Variants in FXYD5 observed in about 807,000 individuals in gnomAD.
FXYD5 encodes FXYD domain containing ion transport regulator 5.
In FXYD5, 21 loss-of-function variants were observed where a neutral mutation model predicts 25.7. The ratio of observed to expected loss-of-function variants is 0.82; its 90% confidence interval spans 0.58 to 1.18. The LOEUF is 1.18. Ranked by LOEUF, FXYD5 falls within the 50% of genes most tolerant of loss-of-function variation. The pLI is 0.00. For synonymous variants in FXYD5, 101 were observed against 90.7 expected (o/e 1.11, Z -0.64); for missense variants, 229 against 227.7 (o/e 1.01, Z -0.04).
intron 4 of FXYD5, chr19:35,159,858 C>CT (rs2065389381): frequency 7.1e-6 from 4 of 566,304 alleles, no homozygotes; most frequent in Non-Finnish European, 1.2e-5. Flanking sequence ...AGAGCCTGTG[C>CT]TTTTATCCAA....
intron 8 of FXYD5, among the ~76,000 whole-genome samples, chr19:35,167,596 A>G (rs1050343327): frequency 1.3e-5 from 2 of 152,238 alleles, no homozygotes; most frequent in Non-Finnish European, 2.9e-5. Context: ...GTTGTGGGTG[A>G]AATAAAACAC....
Position 35,169,834 on chromosome 19 carries a change from A to C in FXYD5, c.*219A>C. ...CCTGGCGCCTTGGGGGCTGTCCCTC[A>C]AGTTATCTCCTCTGCTAAGACAAAA... is the stretch of plus-strand genomic sequence containing the variant. On this transcript the variant is annotated 3_prime_UTR_variant, in exon 9 of 9. Transcript: ENST00000392219. The C allele has an allele frequency of 1.7e-6, 1 of 577,052 alleles. No homozygotes were observed. Among genetic ancestry groups the C allele is most frequent in the South Asian group, 2.0e-5 (1 of 49,236 alleles). 35.7% of individuals were successfully genotyped at this position (577,052 alleles called of 1,614,324 possible). A position where few individuals can be genotyped will look rare whatever the true frequency, so the allele number is the denominator to read the frequency against.
chr19:35,155,276 T>G (rs1484878394), intron 1 of FXYD5: 14 of 535,348 alleles, frequency 2.6e-5, no homozygotes, highest in East Asian at 1.3e-4. Context: ...GCTTCAGGAG[T>G]GCCCGCCGGC....
intron 5 of FXYD5, among the ~76,000 whole-genome samples, chr19:35,161,248 A>ACAC (rs61309039): frequency 7.0e-6 from 1 of 142,850 alleles, no homozygotes; most frequent in South Asian, 2.3e-4. Context: ...ACACACACAC[A>ACAC]AAAGAATGAT....
rs574550373 is a variant in FXYD5, at chr19:35,159,879, G to A, written c.200-830G>A. On this transcript the variant is annotated intron_variant, in intron 4 of 8. Coordinates refer to ENST00000392219, the MANE Select transcript of FXYD5 (RefSeq NM_014164.6). Reference sequence around the variant, plus strand: ...TGTGCTTTTATCCAAGACAATACAGGGCAAAGGACATGCATGCTTAATGTT... The same window carrying A: ...TGTGCTTTTATCCAAGACAATACAGAGCAAAGGACATGCATGCTTAATGTT... 140 of 475,642 alleles carry A rather than the reference G, an allele frequency of 2.9e-4. 1 individual carries two copies. In the South Asian group the frequency reaches 3.9e-3, roughly 13 times the overall value. The allele number at this position is 475,642 out of a possible 1,614,324, so 29.5% of individuals were successfully genotyped here. A position where few individuals can be genotyped will look rare whatever the true frequency, so the allele number is the denominator to read the frequency against.
chr19:35,161,959 A>G (rs2065410215), intron 5 of FXYD5, among the ~76,000 whole-genome samples: 1 of 152,238 alleles, frequency 6.6e-6, no homozygotes, highest in Non-Finnish European at 1.5e-5. Flanking sequence ...TACAGAATCT[A>G]TCTATTAAAA....
chr19:35,167,515 G>C (rs568112848), intron 8 of FXYD5, among the ~76,000 whole-genome samples: 9 of 152,332 alleles, frequency 5.9e-5, no homozygotes, highest in South Asian at 4.1e-4. Flanking sequence ...GCCCCATGCA[G>C]GGAGAGGAAG....
chr19:35,159,551 TTGATGAAC>T lies in FXYD5; in HGVS notation c.199+1152_200-1150del. 4 of 1,550,648 alleles carry T rather than the reference TTGATGAAC, an allele frequency of 2.6e-6. No homozygotes were observed. In the Admixed American group the frequency reaches 7.8e-5, roughly 30 times the overall value. ...CACAGCTTATGGAGTCACACACTTC[TTGATGAAC>T]ATGTTGGCTGTTTCCAGCTTTTTCT... On this transcript the variant is annotated intron_variant, in intron 4 of 8. Coordinates refer to ENST00000392219, the MANE Select transcript of FXYD5 (RefSeq NM_014164.6).
intron 6 of FXYD5, among the ~76,000 whole-genome samples, chr19:35,164,745 C>A (rs2065436300): frequency 6.6e-6 from 1 of 152,142 alleles, no homozygotes; most frequent in South Asian, 2.1e-4. Context: ...CAAATAGTCA[C>A]TGAGTACTTG....
chr19:35,157,448 G>A lies in FXYD5; in HGVS notation c.89G>A (p.Ser30Asn), dbSNP rs753859950. 2.5e-6 allele frequency: 4 copies of A among 1,599,220 alleles called. No homozygotes were observed. The highest frequency in any genetic ancestry group is 3.4e-6 in the Non-Finnish European group (4 of 1,166,604). ...RGQTLKDTTS[S>N]SSADSTIMDI... The stretch of plus-strand genomic sequence containing the variant: ...CAGACGTTGAAAGATACCACGTCCA[G>A]TTCTTCAGCAGACTCAACTATCATG... The change falls in exon 3 of 9, where the codon AGT becomes AAT. Residue 30 changes from serine (S) to asparagine (N), a missense_variant. Ser to Asn is a conservative substitution (Grantham distance 46). Transcript: ENST00000392219.
At chr19:35,161,770 AT>A (rs1219464580) in intron 5 of FXYD5, among the ~76,000 whole-genome samples, 1 of 152,230 alleles carries the variant, frequency 6.6e-6, no homozygotes, top group African/African-American at 2.4e-5. Flanking sequence ...GATGATCCTT[AT>A]TTGAGGGGCA....
rs1341735450 is a variant in FXYD5 at position 35,154,759 on chromosome 19, G to C, written c.-51G>C. 1 of 152,786 alleles carries C rather than the reference G, an allele frequency of 6.5e-6. No homozygotes were observed. The highest frequency in any genetic ancestry group is 1.5e-5 in the Non-Finnish European group (1 of 68,462). The allele number at this position is 152,786 out of a possible 1,614,324, so 9.5% of individuals were successfully genotyped here. Reference sequence around the variant, plus strand: ...CCTCCGCCTGGACGCAGCAGCCACCGCCGCGTCCCTCTCTCCACGAGGCTG... The same window carrying C: ...CCTCCGCCTGGACGCAGCAGCCACCCCCGCGTCCCTCTCTCCACGAGGCTG... On this transcript the variant is annotated 5_prime_UTR_variant, in exon 1 of 9. Transcript: ENST00000392219.
intron 8 of FXYD5, 138 bp downstream of exon 8, chr19:35,166,463 C>A: frequency 1.6e-6 from 1 of 613,580 alleles, no homozygotes; most frequent in South Asian, 2.1e-5. Flanking sequence ...CAAACCACCA[C>A]AGAATTCAGT....
intron 3 of FXYD5, among the ~76,000 whole-genome samples, chr19:35,158,019 G>A (rs1218281532): frequency 6.6e-6 from 1 of 152,158 alleles, no homozygotes; most frequent in African/African-American, 2.4e-5. Context: ...AGTTCTGGGG[G>A]CTTTTATCAG....
chr19:35,158,324 T>C lies in FXYD5; in HGVS notation c.143-20T>C, dbSNP rs768079120. On this transcript the variant is annotated intron_variant, in intron 3 of 8. Coordinates refer to ENST00000392219, the MANE Select transcript of FXYD5 (RefSeq NM_014164.6). ...TTCTCTCTCCTTTTCTCTCCGTGAC[T>C]CCTTGTTTCTGGACTCCAGATGCAG... is the stretch of plus-strand genomic sequence containing the variant. 3.2e-6 allele frequency: 5 copies of C among 1,567,486 alleles called. No homozygotes were observed. In the Admixed American group the frequency reaches 5.0e-5, roughly 16 times the overall value.
chr19:35,165,378 G>A (rs2065441723), intron 6 of FXYD5, among the ~76,000 whole-genome samples: 1 of 152,178 alleles, frequency 6.6e-6, no homozygotes, highest in South Asian at 2.1e-4. Context: ...ATACTGTATA[G>A]GGTAACTTCC....
intron 1 of FXYD5, 111 bp downstream of exon 1, chr19:35,154,920 C>T (rs1440583478): frequency 3.2e-5 from 5 of 158,102 alleles, no homozygotes; most frequent in Non-Finnish European, 7.0e-5. Flanking sequence ...CATCCACGCC[C>T]ACATCTCTCT....
In FXYD5 at chr19:35,160,608, A is replaced by G; in HGVS notation, c.200-101A>G. On this transcript the variant is annotated intron_variant, in intron 4 of 8. Coordinates refer to ENST00000392219, the MANE Select transcript of FXYD5 (RefSeq NM_014164.6). ...TAATCTGCCCGCCTCGGCCTCCCAA[A>G]GTGCTGGGAATACAGACATAAGCCA... 1.3e-6 allele frequency: 1 copy of G among 778,232 alleles called. No homozygotes were observed. Among genetic ancestry groups the G allele is most frequent in the South Asian group, 1.4e-5 (1 of 69,962 alleles). The allele number at this position is 778,232 out of a possible 1,614,324, so 48.2% of individuals were successfully genotyped here.
intron 2 of FXYD5, chr19:35,157,112 G>A: frequency 8.3e-6 from 2 of 241,324 alleles, no homozygotes; most frequent in Non-Finnish European, 1.6e-5. Context: ...CTTGTTCCAG[G>A]TCACACAGCA....
Sources: gnomAD v4.1 joint callset for allele counts (sites outside exome capture counted in the v4.1 genomes callset) on GRCh38, gnomAD v4.1.1 for gene constraint, MANE v1.5 for transcripts, NCBI Gene and HGNC (gene_info 2026-07-23, HGNC 2026-07-21) for gene names.